The following PC variants were observed in gnomAD, a reference collection of about 807,000 sequenced individuals.
PC encodes the protein pyruvate carboxylase, mitochondrial.
PC carries 46 observed loss-of-function variants against 107.8 expected under a neutral mutation model. That is an observed-to-expected ratio of 0.43 (90% CI 0.34 to 0.55). PC has a LOEUF of 0.55. Ranked by LOEUF, PC falls within the 20% of genes least tolerant of loss-of-function variation. The pLI, the probability that PC is intolerant of heterozygous loss-of-function variation, is 0.04. For synonymous variants in PC, 662 were observed against 684.7 expected, an observed-to-expected ratio of 0.97 and a Z score of 0.52; for missense variants, 1,241 against 1,643.1, an observed-to-expected ratio of 0.76 and a Z score of 4.23.
At chr11:66,882,438 C>T (rs925058482) in intron 3 of PC, among the ~76,000 whole-genome samples, 3 of 152,192 alleles carry the variant, frequency 2.0e-5, no homozygotes, top group Non-Finnish European at 2.9e-5. Flanking sequence ...GCTTCAGGGG[C>T]GGGTGGCCAG....
At chr11:66,906,622 CCA>C (rs1565278291) in intron 3 of PC, among the ~76,000 whole-genome samples, 2 of 152,036 alleles carry the variant, frequency 1.3e-5, no homozygotes, top group African/African-American at 4.8e-5. Context: ...CTCCATCCCC[CCA>C]GTCTTTCCCC....
At chr11:66,892,710 G>A (rs779497598) in intron 3 of PC, among the ~76,000 whole-genome samples, 40 of 152,258 alleles carry the variant, frequency 2.6e-4, no homozygotes, top group Middle Eastern at 3.4e-3. Context: ...AGCCAGGCAC[G>A]GTGGCGGGCG....
At position 66,850,898 on chromosome 11, in the gene PC, G is replaced by A. The variant is rs145400751; in HGVS notation, c.2249C>T (p.Thr750Met). 1.1e-3 allele frequency: 1,803 copies of A among 1,609,986 alleles called. 21 individuals are homozygous for A. In the African/African-American group the frequency reaches 0.021, roughly 19 times the overall value. ...GGAGCTGACCAGCATGGTGCAGGCC[G>A]TGGGCTTCAGCAGCCCGGCCATGTC... ...IKDMAGLLKP[T>M]ACTMLVSSLR... Residue 750 changes from threonine (T) to methionine (M), a missense_variant, in exon 18 of 23, where the codon ACG becomes ATG. Transcript: ENST00000393960.
chr11:66,852,706 T>G lies in PC; in HGVS notation c.1603+41A>C. 6.2e-7 allele frequency: 1 copy of G among 1,610,450 alleles called. No homozygotes were observed. The highest frequency in any genetic ancestry group is 8.5e-7 in the Non-Finnish European group (1 of 1,177,146). ...GGTGCCCATCCTGCAGGTGGCAACC[T>G]CCTGTCTCCCCCATGAGTTGACAGA... On this transcript the variant is annotated intron_variant, in intron 14 of 22. Coordinates refer to ENST00000393960, the MANE Select transcript of PC (RefSeq NM_001040716.2). This position sits in a 1 kb window ranked among gnomAD's most constrained non-coding sequence, Gnocchi z 4.7.
At chr11:66,851,438 A>C (rs1398906935) in intron 16 of PC, among the ~76,000 whole-genome samples, 158 bp from the exon 17 acceptor site, 1 of 152,132 alleles carries the variant, frequency 6.6e-6, no homozygotes, top group Admixed American at 6.5e-5. Flanking sequence ...GGGTGGCCAC[A>C]CAAGTGTGGA....
chr11:66,893,735 C>A (rs1023840344), intron 3 of PC, among the ~76,000 whole-genome samples: 1 of 152,106 alleles, frequency 6.6e-6, no homozygotes, highest in Non-Finnish European at 1.5e-5. Flanking sequence ...TAAAATCACG[C>A]TTTTTGGTGG....
At chr11:66,942,812 A>G (rs1309728232) in intron 3 of PC, among the ~76,000 whole-genome samples, 2 of 151,956 alleles carry the variant, frequency 1.3e-5, no homozygotes, top group African/African-American at 2.4e-5. Flanking sequence ...CGGGAGTTTG[A>G]GATCATCCTG....
intron 3 of PC, among the ~76,000 whole-genome samples, chr11:66,882,399 G>C (rs1243360353): frequency 1.3e-5 from 2 of 152,228 alleles, no homozygotes; most frequent in Non-Finnish European, 2.9e-5. Context: ...TGGGCAAGAG[G>C]CCGCAGAGGA....
chr11:66,857,690 C>T lies in PC; in HGVS notation c.1369-4307G>A, dbSNP rs1945947931. On this transcript the variant is annotated intron_variant, in intron 12 of 22. Transcript: ENST00000393960. The surrounding 1 kb of genome is among the most constrained non-coding windows in gnomAD (Gnocchi z 7.1). ...GACTGTCCTGGGCCCAAGTGGGCAC[C>T]TGCGCCAGCCCCACCTGTGCCTGGG... 1 of 1,527,756 alleles carries T rather than the reference C, an allele frequency of 6.5e-7. No homozygotes were observed. The highest frequency in any genetic ancestry group is 2.3e-5 in the East Asian group (1 of 43,444). 94.6% of individuals were successfully genotyped at this position (1,527,756 alleles called of 1,614,324 possible).
intron 3 of PC, among the ~76,000 whole-genome samples, chr11:66,911,434 A>C (rs1357912026): frequency 2.6e-5 from 4 of 152,144 alleles, no homozygotes; most frequent in South Asian, 2.1e-4. Flanking sequence ...AAAAAAAAAA[A>C]AAACACCATA....
rs200386863 is a variant in PC at position 66,871,031 on chromosome 11, G to A, written c.633+21C>T. The A allele has an allele frequency of 1.9e-6, 3 of 1,613,724 alleles. No individual in the cohort carries two copies. The highest frequency in any genetic ancestry group is 2.5e-6 in the Non-Finnish European group (3 of 1,179,876). On this transcript the variant is annotated intron_variant, in intron 7 of 22. Transcript: ENST00000393960. This position sits in a 1 kb window ranked among gnomAD's most constrained non-coding sequence, Gnocchi z 7.4. ...GGCAGGCTGCCCTGCCCTGCTCCCA[G>A]CCCTGGGCATCTTCACTCACCTCGT...
chr11:66,909,341 A>G (rs904187280), intron 3 of PC, among the ~76,000 whole-genome samples: 7 of 152,188 alleles, frequency 4.6e-5, no homozygotes, highest in African/African-American at 1.7e-4. Context: ...GACTTGCCCA[A>G]GGTCATACTC....
chr11:66,870,339 G>C lies in PC; in HGVS notation c.866C>G (p.Thr289Ser). The change falls in exon 9 of 23, where the codon ACT (threonine) becomes AGT (serine). Residue 289 changes from threonine to serine, a missense_variant. Physicochemically the swap from Thr to Ser is moderately conservative, Grantham distance 58. Coordinates refer to ENST00000393960, the MANE Select transcript of PC (RefSeq NM_001040716.2). The surrounding 1 kb of genome is among the most constrained non-coding windows in gnomAD (Gnocchi z 6.1). ...PAAHLDPQLR[T>S]RLTSDSVKLA... Reference sequence around the variant, plus strand: ...TTTCACAGAGTCGCTGGTGAGCCGAGTCCGAAGCTGCGGGTCCAGGTGGGC... The same window carrying C: ...TTTCACAGAGTCGCTGGTGAGCCGACTCCGAAGCTGCGGGTCCAGGTGGGC... 1 of 1,613,594 alleles carries C rather than the reference G, an allele frequency of 6.2e-7. No individual in the cohort carries two copies. Among genetic ancestry groups the C allele is most frequent in the Non-Finnish European group, 8.5e-7 (1 of 1,180,008 alleles).
Position 66,946,419 on chromosome 11 carries a change from G to A in PC, c.-1+6011C>T, listed in dbSNP as rs61532500. Among the ~76,000 whole-genome samples, 21 of 151,940 alleles carry A rather than the reference G, an allele frequency of 1.4e-4. No homozygotes were observed. The East Asian group carries it at 4.1e-3, about 29-fold the overall frequency. ...ACCAAGGCGGGCAGATCACAAGGTC[G>A]GGAGTTCGAGATCAGCCTGGCCAAT... On this transcript the variant is annotated intron_variant, in intron 3 of 22. Coordinates refer to ENST00000393960, the MANE Select transcript of PC (RefSeq NM_001040716.2).
rs988364141 is a variant in PC, at chr11:66,953,588, C to T, written c.-40+661G>A. Among the ~76,000 whole-genome samples, 3 of 152,124 alleles carry T rather than the reference C, an allele frequency of 2.0e-5. No individual in the cohort carries two copies. The East Asian group carries it at 5.8e-4, about 29-fold the overall frequency. The stretch of plus-strand genomic sequence containing the variant: ...AAAAACAGGCCAGCAAGCTCAAATC[C>T]CTGTTCAGAGAAAACCAGCTGCCTT... On this transcript the variant is annotated intron_variant, in intron 2 of 22. Transcript: ENST00000393960.
At chr11:66,849,518 A>C in intron 21 of PC, 93 bp downstream of exon 21, 8 of 1,610,262 alleles carry the variant, frequency 5.0e-6, no homozygotes, top group Non-Finnish European at 6.8e-6. Context: ...TCTGCTCCCA[A>C]AGCTTGCGAG....
Position 66,857,834 on chromosome 11 carries a change from C to T in PC, c.1369-4451G>A. 6.2e-7 allele frequency: 1 copy of T among 1,606,052 alleles called. No individual in the cohort carries two copies. Reference sequence around the variant, plus strand: ...TCTGCCAGAACCTGTCCGAGTCGCTCAGCACCCTCTGTGCCCACCGAGGCC... The same window carrying T: ...TCTGCCAGAACCTGTCCGAGTCGCTTAGCACCCTCTGTGCCCACCGAGGCC... On this transcript the variant is annotated intron_variant, in intron 12 of 22. Coordinates refer to ENST00000393960, the MANE Select transcript of PC (RefSeq NM_001040716.2). This position sits in a 1 kb window ranked among gnomAD's most constrained non-coding sequence, Gnocchi z 7.1.
chr11:66,881,047 A>T (rs1291571954), intron 3 of PC, among the ~76,000 whole-genome samples: 1 of 152,110 alleles, frequency 6.6e-6, no homozygotes, highest in Non-Finnish European at 1.5e-5. Flanking sequence ...TTACAGTTAC[A>T]CGCCTCGGGG....
chr11:66,913,528 C>T (rs528469856), intron 3 of PC, among the ~76,000 whole-genome samples: 1 of 151,700 alleles, frequency 6.6e-6, no homozygotes, highest in African/African-American at 2.4e-5. Flanking sequence ...AAAAATTAGC[C>T]GGGCGTGCCT....
Sources: gnomAD v4.1 joint callset for allele counts (sites outside exome capture counted in the v4.1 genomes callset) on GRCh38, gnomAD v4.1.1 for gene constraint, Gnocchi (gnomAD v3.1) non-coding constraint, MANE v1.5 for transcripts, NCBI Gene and HGNC (gene_info 2026-07-23, HGNC 2026-07-21) for gene names.